The following PEAR1 variants were observed in gnomAD, a reference collection of about 807,000 sequenced individuals.
PEAR1 encodes the protein multiple EGF-like domains protein 12.
In PEAR1, 113 loss-of-function variants were observed where a neutral mutation model predicts 131.2. That is an observed-to-expected ratio of 0.86 (90% CI 0.74 to 1.01). PEAR1 has a LOEUF of 1.01. Among genes scored for constraint, PEAR1 ranks in the 50% least tolerant of loss-of-function variants. PEAR1 has a pLI of 0.00. For synonymous variants in PEAR1, 565 were observed against 523.3 expected (o/e 1.08, Z -1.09); for missense variants, 1,408 against 1,391.1 (o/e 1.01, Z -0.19).
intron 17 of PEAR1, 24 bp from the exon 18 acceptor site, chr1:156,912,746 G>T: frequency 6.2e-7 from 1 of 1,613,838 alleles, no homozygotes; most frequent in Non-Finnish European, 8.5e-7. Flanking sequence ...ATGCCATTCT[G>T]AGTGAGCACC....
Position 156,908,164 on chromosome 1 carries a change from G to A in PEAR1, c.939G>A (p.Gln313=), listed in dbSNP as rs372770772. ...AGTGCCCGGTGGGCCGCTTTGGGCA[G>A]GACTGTGCTGAGACGTGCGACTGCG... The part of the protein sequence containing the change: ...REECPVGRFG[Q]DCAETCDCAP... Residue 313 remains glutamine, a synonymous_variant, in exon 9 of 23, where the codon CAG becomes CAA. Transcript: ENST00000292357. This position sits in a 1 kb window ranked among gnomAD's most constrained non-coding sequence, Gnocchi z 4.2. 8 of 1,603,796 alleles carry A rather than the reference G, an allele frequency of 5.0e-6. No individual in the cohort carries two copies. The highest frequency in any genetic ancestry group is 5.9e-6 in the Non-Finnish European group (7 of 1,178,690).
intron 14 of PEAR1, 58 bp downstream of exon 14, chr1:156,910,438 C>T: frequency 6.5e-7 from 1 of 1,549,030 alleles, no homozygotes; most frequent in Middle Eastern, 2.1e-4. Context: ...GTAGTGTCAG[C>T]TGCCAGAGCA....
intron 22 of PEAR1, 112 bp from the exon 23 acceptor site, chr1:156,914,535 G>A (rs1211501886): frequency 5.4e-6 from 6 of 1,103,854 alleles, no homozygotes; most frequent in Non-Finnish European, 6.5e-6. Context: ...GGCCCCATCT[G>A]CTTCTCTTTG....
rs184468583 is a variant in PEAR1, at chr1:156,911,968, C to G, written c.1952-279C>G. ...AAATCCATCCGGGGTAGCTTGGAAG[C>G]CTTTGGTTGTGTGGCACTGAATACA... On this transcript the variant is annotated intron_variant, in intron 15 of 22. Transcript: ENST00000292357. Among the ~76,000 whole-genome samples the G allele has an allele frequency of 2.4e-3, 368 of 152,268 alleles. 1 individual carries two copies. The highest frequency in any genetic ancestry group is 8.6e-3 in the African/African-American group (357 of 41,540).
At chr1:156,913,344 G>A (rs1321558816) in intron 19 of PEAR1, 47 bp from the exon 20 acceptor site, 1 of 1,604,468 alleles carries the variant, frequency 6.2e-7, no homozygotes, top group Admixed American at 1.7e-5. Flanking sequence ...TCTCTGGAAA[G>A]CCCTGTCCTT....
In PEAR1 at chr1:156,913,780, A is replaced by G; in HGVS notation, c.2713+20A>G. The G allele has an allele frequency of 1.2e-6, 2 of 1,613,140 alleles. No individual in the cohort carries two copies. The highest frequency in any genetic ancestry group is 1.7e-6 in the Non-Finnish European group (2 of 1,179,404). ...ATAAAGGTATGGGCACAGGGGCAACAAGGGAGGTGGCTGAGCTGGGGCTGA... is the reference window on the plus strand; with the variant it reads ...ATAAAGGTATGGGCACAGGGGCAACGAGGGAGGTGGCTGAGCTGGGGCTGA... On this transcript the variant is annotated intron_variant, in intron 21 of 22. Transcript: ENST00000292357.
chr1:156,907,580 C>T, intron 6 of PEAR1, 30 bp from the exon 7 acceptor site: 1 of 1,587,954 alleles, frequency 6.3e-7, no homozygotes. Flanking sequence ...TGCTTGTTTG[C>T]ACATTGACTC....
Position 156,912,850 on chromosome 1 carries a change from C to G in PEAR1, c.2290C>G (p.Leu764Val). The G allele has an allele frequency of 6.2e-7, 1 of 1,614,234 alleles. No homozygotes were observed. The highest frequency in any genetic ancestry group is 8.5e-7 in the Non-Finnish European group (1 of 1,180,042). The change falls in exon 18 of 23, where the codon CTG (leucine) becomes GTG (valine). Residue 764 changes from leucine to valine, a missense_variant. By Grantham distance (32) the Leu-to-Val change is conservative. Coordinates refer to ENST00000292357, the MANE Select transcript of PEAR1 (RefSeq NM_001080471.3). ...GGGTGCAGTGATTGGCATTGCAGTG[C>G]TGGGGTCCCTTGTGGTAGCCCTGGT... ...SLGAVIGIAV[L>V]GSLVVALVAL...
Position 156,916,200 on chromosome 1 carries a change from T to C in PEAR1, c.*1402T>C, listed in dbSNP as rs980817421. On this transcript the variant is annotated 3_prime_UTR_variant, in exon 23 of 23. Coordinates refer to ENST00000292357, the MANE Select transcript of PEAR1 (RefSeq NM_001080471.3). ...AAAGCAAAGCAGAGAAATTGAAGAT[T>C]TGTGTCAACACTGCTTTAAGCAAAT... 7.2e-5 allele frequency: 11 copies of C among 152,248 alleles called. No individual in the cohort carries two copies. The highest frequency in any genetic ancestry group is 2.4e-4 in the African/African-American group (10 of 41,458). The allele number at this position is 152,248 out of a possible 1,614,324, so 9.4% of individuals were successfully genotyped here. A position where few individuals can be genotyped will look rare whatever the true frequency, so the allele number is the denominator to read the frequency against.
chr1:156,904,247 A>T (rs1218844772), intron 2 of PEAR1, among the ~76,000 whole-genome samples: 1 of 152,012 alleles, frequency 6.6e-6, no homozygotes, highest in Non-Finnish European at 1.5e-5. Flanking sequence ...TCTCTGAACC[A>T]TCCTTTCTCT....
At chr1:156,913,827 C>T (rs758326362) in intron 21 of PEAR1, 25 bp from the exon 22 acceptor site, 2 of 1,610,628 alleles carry the variant, frequency 1.2e-6, no homozygotes, top group Non-Finnish European at 8.5e-7. Flanking sequence ...CTCCATGCGG[C>T]CTGACTTCTT....
chr1:156,910,050 C>G lies in PEAR1; in HGVS notation c.1620C>G (p.Asp540Glu), dbSNP rs758936152. Reference sequence around the variant, plus strand: ...GTTGTGCCAGTCGCTGTGACTGTGACCACTCTGATGGCTGTGACCCTGTTC... The same window carrying G: ...GTTGTGCCAGTCGCTGTGACTGTGAGCACTCTGATGGCTGTGACCCTGTTC... Reference protein sequence around the residue: ...GEGCASRCDCDHSDGCDPVHG... With the variant: ...GEGCASRCDCEHSDGCDPVHG... Residue 540 changes from aspartate (D) to glutamate (E), a missense_variant, in exon 13 of 23, where the codon GAC (aspartate) becomes GAG (glutamate). Asp to Glu is a conservative substitution (Grantham distance 45). Coordinates refer to ENST00000292357, the MANE Select transcript of PEAR1 (RefSeq NM_001080471.3). The G allele has an allele frequency of 6.2e-7, 1 of 1,614,130 alleles. No individual in the cohort carries two copies. The highest frequency in any genetic ancestry group is 1.7e-5 in the Admixed American group (1 of 60,028).
intron 4 of PEAR1, 68 bp from the exon 5 acceptor site, chr1:156,906,208 G>A: frequency 1.4e-6 from 2 of 1,453,376 alleles, no homozygotes; most frequent in Non-Finnish European, 1.9e-6. Flanking sequence ...GTGGGGTTAG[G>A]CTTTGCAGGA....
rs757375280 is a variant in PEAR1 at position 156,907,993 on chromosome 1, G to A, written c.844G>A (p.Gly282Ser). Residue 282 changes from glycine (G) to serine (S), a missense_variant, in exon 8 of 23, where the codon GGC becomes AGC. Coordinates refer to ENST00000292357, the MANE Select transcript of PEAR1 (RefSeq NM_001080471.3). ...CCAGGAATGTCGCTGCCACAACGGC[G>A]GCCTCTGTGACCGATTCACTGGGCA... is the stretch of plus-strand genomic sequence containing the variant. Reference protein sequence around the residue: ...CSQECRCHNGGLCDRFTGQCR... With the variant: ...CSQECRCHNGSLCDRFTGQCR... 2.2e-5 allele frequency: 35 copies of A among 1,574,740 alleles called. No individual in the cohort carries two copies. The highest frequency in any genetic ancestry group is 2.8e-5 in the Non-Finnish European group (33 of 1,159,490).
chr1:156,914,206 A>G, intron 22 of PEAR1, 106 bp downstream of exon 22: 1 of 1,441,744 alleles, frequency 6.9e-7, no homozygotes, highest in Non-Finnish European at 9.2e-7. Context: ...TGGCATCAAG[A>G]GTGAGGCCTT....
chr1:156,913,551 G>T, intron 20 of PEAR1, 28 bp downstream of exon 20: 1 of 1,609,884 alleles, frequency 6.2e-7, no homozygotes. Context: ...AGGGTCTCTG[G>T]CGCGGGTGGA....
intron 15 of PEAR1, 31 bp downstream of exon 15, chr1:156,910,774 G>T: frequency 1.9e-6 from 3 of 1,612,094 alleles, no homozygotes; most frequent in Non-Finnish European, 2.5e-6. Flanking sequence ...CTGAGCATAC[G>T]TGCATGCTGA....
chr1:156,914,122 G>T, intron 22 of PEAR1, 22 bp downstream of exon 22: 1 of 1,552,408 alleles, frequency 6.4e-7, no homozygotes, highest in Non-Finnish European at 8.7e-7. Context: ...CTCTCCACTG[G>T]CAGGAGCAGC....
chr1:156,905,210 T>G, intron 3 of PEAR1, 114 bp from the exon 4 acceptor site: 1 of 1,189,444 alleles, frequency 8.4e-7, no homozygotes. Context: ...GCGCTTTCTA[T>G]GCGCCCTCAG....
Sources: allele counts gnomAD v4.1 joint callset (sites outside exome capture counted in the v4.1 genomes callset), GRCh38; gene constraint gnomAD v4.1.1; non-coding constraint Gnocchi (gnomAD v3.1); transcripts MANE v1.5; gene names NCBI Gene and HGNC (gene_info 2026-07-23, HGNC 2026-07-21).